XKR6: variants seen among roughly 807,000 people sequenced by gnomAD.
XKR6 encodes XK related 6.
XKR6 carries 22 observed loss-of-function variants against 56.7 expected under a neutral mutation model. The observed-to-expected ratio is 0.39, with a 90% confidence interval of 0.28 to 0.55. The LOEUF is 0.55. Ranked by LOEUF, XKR6 falls within the 20% of genes least tolerant of loss-of-function variation. The pLI, the probability that XKR6 is intolerant of heterozygous loss-of-function variation, is 0.66. For missense variants in XKR6, 852 were observed against 889.0 expected, an observed-to-expected ratio of 0.96 and a Z score of 0.53; for synonymous variants, 524 against 387.8, an observed-to-expected ratio of 1.35 and a Z score of -4.13.
chr8:11,081,557 C>G (rs1357101179), intron 1 of XKR6, among the ~76,000 whole-genome samples: 1 of 152,200 alleles, frequency 6.6e-6, no homozygotes, highest in African/African-American at 2.4e-5. Flanking sequence ...TCTCCTGGGG[C>G]TCTTCCATCT....
At chr8:11,058,308 G>T (rs1799737805) in intron 1 of XKR6, among the ~76,000 whole-genome samples, 1 of 152,114 alleles carries the variant, frequency 6.6e-6, no homozygotes, top group Admixed American at 6.5e-5. Context: ...ATTTGACCCA[G>T]CAATCCCATT....
At chr8:11,023,179 C>A (rs111580770) in intron 1 of XKR6, among the ~76,000 whole-genome samples, 1 of 152,226 alleles carries the variant, frequency 6.6e-6, no homozygotes, top group Non-Finnish European at 1.5e-5. Context: ...GGAGGGCCCT[C>A]CCTCCATGTC....
intron 1 of XKR6, chr8:11,108,399 T>C (rs1043149701): frequency 2.3e-6 from 1 of 444,248 alleles, no homozygotes; most frequent in Non-Finnish European, 4.5e-6. Flanking sequence ...CCCCAAGACA[T>C]AAGAAAAAGT....
intron 1 of XKR6, among the ~76,000 whole-genome samples, chr8:11,096,256 G>T (rs893131505): frequency 4.6e-5 from 7 of 152,118 alleles, no homozygotes; most frequent in African/African-American, 1.7e-4. Context: ...ATAAGAAACA[G>T]GCTAAAAGTT....
At chr8:11,135,765 C>A (rs1163943448) in intron 1 of XKR6, among the ~76,000 whole-genome samples, 1 of 150,972 alleles carries the variant, frequency 6.6e-6, no homozygotes, top group Non-Finnish European at 1.5e-5. Flanking sequence ...GTGAAAAAAC[C>A]ACCATACAGA....
intron 1 of XKR6, among the ~76,000 whole-genome samples, chr8:11,014,394 G>A (rs1798570129): frequency 6.6e-6 from 1 of 152,194 alleles, no homozygotes; most frequent in African/African-American, 2.4e-5. Context: ...ACCTGTGCTG[G>A]CCTGTGAATG....
intron 1 of XKR6, among the ~76,000 whole-genome samples, chr8:11,052,338 T>C (rs926341816): frequency 1.1e-4 from 16 of 152,100 alleles, no homozygotes; most frequent in African/African-American, 3.4e-4. Flanking sequence ...GTCCCCCAGC[T>C]CTTGTTTCCC....
intron 1 of XKR6, among the ~76,000 whole-genome samples, chr8:11,019,497 T>A (rs1798700868): frequency 6.6e-6 from 1 of 152,216 alleles, no homozygotes; most frequent in Non-Finnish European, 1.5e-5. Flanking sequence ...CTGCCTCCTC[T>A]GGGGATGGAG....
intron 1 of XKR6, among the ~76,000 whole-genome samples, chr8:10,974,325 A>G (rs1297726314): frequency 6.6e-6 from 1 of 152,216 alleles, no homozygotes; most frequent in Non-Finnish European, 1.5e-5. Context: ...AAGACAGGTG[A>G]AGAGCACCTT....
intron 1 of XKR6, among the ~76,000 whole-genome samples, chr8:10,984,702 C>CTA (rs1797814414): frequency 1.5e-5 from 1 of 66,886 alleles, no homozygotes; most frequent in Non-Finnish European, 3.0e-5. Flanking sequence ...ATGGCTCTCT[C>CTA]TCTCTCTCTC....
chr8:11,012,419 T>C (rs1047714686), intron 1 of XKR6, among the ~76,000 whole-genome samples: 1 of 152,236 alleles, frequency 6.6e-6, no homozygotes, highest in African/African-American at 2.4e-5. Context: ...AAAGTGTTCA[T>C]AACACCATTT....
chr8:11,184,587 C>G (rs1287904154), intron 1 of XKR6, among the ~76,000 whole-genome samples: 1 of 152,096 alleles, frequency 6.6e-6, no homozygotes, highest in Non-Finnish European at 1.5e-5. Context: ...TTATGGTTTT[C>G]TATAAGAACT....
chr8:11,175,878 A>C (rs1034098210), intron 1 of XKR6, among the ~76,000 whole-genome samples: 2 of 152,186 alleles, frequency 1.3e-5, no homozygotes, highest in Non-Finnish European at 2.9e-5. Context: ...ATCTTTTTTT[A>C]TTACAAACAG....
chr8:11,114,736 T>C (rs1375505578), intron 1 of XKR6, among the ~76,000 whole-genome samples: 1 of 102,694 alleles, frequency 9.7e-6, no homozygotes, highest in Non-Finnish European at 2.0e-5. Flanking sequence ...TATGTGTGTG[T>C]GTGTGTGTGT....
At chr8:10,991,159 C>G (rs1265327756) in intron 1 of XKR6, among the ~76,000 whole-genome samples, 1 of 152,138 alleles carries the variant, frequency 6.6e-6, no homozygotes, top group African/African-American at 2.4e-5. Context: ...CTGTCTCAGC[C>G]TCCCAAAGTG....
At chr8:11,005,433 T>A (rs757081292) in intron 1 of XKR6, among the ~76,000 whole-genome samples, 2 of 152,122 alleles carry the variant, frequency 1.3e-5, no homozygotes, top group Non-Finnish European at 2.9e-5. Context: ...AGCAGTTATT[T>A]AATGGGCATG....
chr8:10,940,404 C>T (rs1801351196), intron 1 of XKR6, among the ~76,000 whole-genome samples: 2 of 152,206 alleles, frequency 1.3e-5, no homozygotes, highest in African/African-American at 4.8e-5. Context: ...GCATTCCCTC[C>T]AGAGCCCATG....
At chr8:11,186,896 T>C (rs1010632323) in intron 1 of XKR6, among the ~76,000 whole-genome samples, 3 of 152,224 alleles carry the variant, frequency 2.0e-5, no homozygotes, top group Non-Finnish European at 4.4e-5. Context: ...ATACGCATTG[T>C]GGATTTACTG....
intron 1 of XKR6, among the ~76,000 whole-genome samples, chr8:11,159,373 A>G (rs1445824781): frequency 6.6e-6 from 1 of 152,192 alleles, no homozygotes; most frequent in Non-Finnish European, 1.5e-5. Flanking sequence ...CCAAGTAATG[A>G]CCACAATGCA....
Sources: gnomAD v4.1 joint callset for allele counts (sites outside exome capture counted in the v4.1 genomes callset) on GRCh38, gnomAD v4.1.1 for gene constraint, MANE v1.5 for transcripts, NCBI Gene and HGNC (gene_info 2026-07-23, HGNC 2026-07-21) for gene names.